Variants in NR6A1 observed in about 807,000 individuals in gnomAD.
NR6A1 encodes the protein nuclear receptor subfamily 6 group A member 1, also known as retinoic acid receptor-related testis-associated receptor.
In NR6A1, 7 loss-of-function variants were observed where a neutral mutation model predicts 59.1. The ratio of observed to expected loss-of-function variants is 0.12; its 90% CI spans 0.07 to 0.22. The LOEUF (loss-of-function observed/expected upper bound fraction) is 0.22. NR6A1 is among the 10% of genes least tolerant of loss of function. The pLI, the probability that NR6A1 is intolerant of heterozygous loss-of-function variation, is 1.00. For missense variants in NR6A1, 468 were observed against 611.6 expected, an observed-to-expected ratio of 0.77 and a Z score of 2.48; for synonymous variants, 243 against 236.1, an observed-to-expected ratio of 1.03 and a Z score of -0.27.
chr9:124,605,861 T>G (rs1835563469), intron 2 of NR6A1, among the ~76,000 whole-genome samples: 1 of 152,204 alleles, frequency 6.6e-6, no homozygotes, highest in South Asian at 2.1e-4. Context: ...ATCTATTTGT[T>G]TCTGTCATCA....
intron 1 of NR6A1, among the ~76,000 whole-genome samples, chr9:124,734,603 G>C (rs758377337): frequency 1.4e-4 from 21 of 152,174 alleles, no homozygotes; most frequent in Non-Finnish European, 2.5e-4. Context: ...TGAGGCAGGA[G>C]AATCTTTCGA....
intron 1 of NR6A1, among the ~76,000 whole-genome samples, chr9:124,758,299 T>C (rs1049463093): frequency 6.6e-6 from 1 of 152,232 alleles, no homozygotes; most frequent in Non-Finnish European, 1.5e-5. Context: ...CCTTTCCTGC[T>C]GGGTTCCCTT....
At chr9:124,676,625 A>T (rs1837969529) in intron 2 of NR6A1, among the ~76,000 whole-genome samples, 1 of 152,236 alleles carries the variant, frequency 6.6e-6, no homozygotes, top group South Asian at 2.1e-4. Context: ...CTAAAACAGT[A>T]GACTTCAAAA....
rs542603697 is a variant in NR6A1 at position 124,666,254 on chromosome 9, C to T, written c.142+67054G>A. Among the ~76,000 whole-genome samples, 111 of 144,150 alleles carry T rather than the reference C, an allele frequency of 7.7e-4. 1 individual carries two copies. In the South Asian group the frequency reaches 0.022, roughly 28 times the overall value. 94.6% of individuals were successfully genotyped at this position (144,150 alleles called of 152,430 possible). On this transcript the variant is annotated intron_variant, in intron 2 of 9. Coordinates refer to ENST00000487099, the MANE Select transcript of NR6A1 (RefSeq NM_033334.4). Reference sequence around the variant, plus strand: ...TCTGTTATTGTGACCTAGATTTTGGCGGAATTACCTCTATGTGGTTCTTTT... The same window carrying T: ...TCTGTTATTGTGACCTAGATTTTGGTGGAATTACCTCTATGTGGTTCTTTT...
At chr9:124,603,279 C>A (rs1835493554) in intron 2 of NR6A1, among the ~76,000 whole-genome samples, 1 of 152,182 alleles carries the variant, frequency 6.6e-6, no homozygotes. Flanking sequence ...AATTAGATGG[C>A]TCCTCGAGAG....
At chr9:124,527,970 G>A (rs1395449669) in intron 7 of NR6A1, among the ~76,000 whole-genome samples, 1 of 152,232 alleles carries the variant, frequency 6.6e-6, no homozygotes, top group East Asian at 1.9e-4. Context: ...CTAGTGGGCA[G>A]TGGGTCCCAG....
chr9:124,581,059 T>C (rs1044158152), intron 2 of NR6A1, among the ~76,000 whole-genome samples: 11 of 152,118 alleles, frequency 7.2e-5, no homozygotes, highest in Non-Finnish European at 1.3e-4. Flanking sequence ...GCTAGCCATA[T>C]GCAGAAAATT....
intron 2 of NR6A1, among the ~76,000 whole-genome samples, chr9:124,619,071 T>G (rs1223531820): frequency 1.3e-5 from 2 of 152,048 alleles, no homozygotes; most frequent in Non-Finnish European, 2.9e-5. Context: ...GCAGCCCTAT[T>G]CATAATAGAG....
At chr9:124,589,367 A>G (rs1835039427) in intron 2 of NR6A1, among the ~76,000 whole-genome samples, 1 of 152,196 alleles carries the variant, frequency 6.6e-6, no homozygotes, top group Admixed American at 6.5e-5. Context: ...AGTGGCGTGA[A>G]CCAAGGAGGC....
intron 1 of NR6A1, among the ~76,000 whole-genome samples, chr9:124,762,818 TA>T (rs1447411966): frequency 6.6e-6 from 1 of 152,220 alleles, no homozygotes; most frequent in East Asian, 1.9e-4. Context: ...AAATCATATT[TA>T]TTTCATCATC....
intron 2 of NR6A1, among the ~76,000 whole-genome samples, chr9:124,699,335 G>C (rs1285079749): frequency 6.6e-6 from 1 of 152,100 alleles, no homozygotes; most frequent in African/African-American, 2.4e-5. Flanking sequence ...TTAAAAGAAG[G>C]CCTTTTCTGC....
intron 2 of NR6A1, among the ~76,000 whole-genome samples, chr9:124,699,558 T>G (rs1481431602): frequency 1.3e-5 from 2 of 152,206 alleles, no homozygotes; most frequent in Non-Finnish European, 2.9e-5. Context: ...TCAATGAACT[T>G]AAATCATTTT....
intron 3 of NR6A1, among the ~76,000 whole-genome samples, chr9:124,546,481 G>C (rs987104845): frequency 4.6e-5 from 7 of 152,288 alleles, no homozygotes; most frequent in Admixed American, 3.9e-4. Context: ...CATTTATTCT[G>C]ATGTGCAACT....
Position 124,750,763 on chromosome 9 carries a change from AAAAT to A in NR6A1, c.101-17418_101-17415del, listed in dbSNP as rs541740584. Reference sequence around the variant, plus strand: ...TGACAGAGCGAAACTCCGTCTCAAAAAAATAAATAAATAAATAAATAAAAATCAT... The same window carrying A: ...TGACAGAGCGAAACTCCGTCTCAAAAAAATAAATAAATAAATAAAAATCAT... On this transcript the variant is annotated intron_variant, in intron 1 of 9. Coordinates refer to ENST00000487099, the MANE Select transcript of NR6A1 (RefSeq NM_033334.4). Among the ~76,000 whole-genome samples, 6 of 152,126 alleles carry A rather than the reference AAAAT, an allele frequency of 3.9e-5. No individual in the cohort carries two copies. In the East Asian group the frequency reaches 5.8e-4, roughly 15 times the overall value.
rs181354703 is a variant in NR6A1, at chr9:124,589,318, C to T, written c.143-34748G>A. On this transcript the variant is annotated intron_variant, in intron 2 of 9. Coordinates refer to ENST00000487099, the MANE Select transcript of NR6A1 (RefSeq NM_033334.4). ...AAAATTAGCCGGGCGCGGTGGCGGGCGCCTGTAGTCCCAGCTACTCGGGAG... is the reference window on the plus strand; with the variant it reads ...AAAATTAGCCGGGCGCGGTGGCGGGTGCCTGTAGTCCCAGCTACTCGGGAG... Among the ~76,000 whole-genome samples, 510 of 152,182 alleles carry T rather than the reference C, an allele frequency of 3.4e-3. 1 individual carries two copies. The highest frequency in any genetic ancestry group is 5.1e-3 in the Non-Finnish European group (348 of 67,998).
At position 124,582,974 on chromosome 9, in the gene NR6A1, C is replaced by T. The variant is rs528713722; in HGVS notation, c.143-28404G>A. Reference sequence around the variant, plus strand: ...TCACAGAAGAGTACGCCCTTCCCCCCCAAAGCACTCAATTTTTCTGTATGC... The same window carrying T: ...TCACAGAAGAGTACGCCCTTCCCCCTCAAAGCACTCAATTTTTCTGTATGC... On this transcript the variant is annotated intron_variant, in intron 2 of 9. Transcript: ENST00000487099. 1.1e-4 allele frequency among the ~76,000 whole-genome samples: 16 copies of T among 152,218 alleles called. No homozygotes were observed. The South Asian group carries it at 2.7e-3, about 26-fold the overall frequency.
At chr9:124,630,146 T>C (rs544264021) in intron 2 of NR6A1, among the ~76,000 whole-genome samples, 1 of 151,624 alleles carries the variant, frequency 6.6e-6, no homozygotes, top group Non-Finnish European at 1.5e-5. Context: ...TATCTAGAAT[T>C]AAACTCCTAG....
intron 2 of NR6A1, among the ~76,000 whole-genome samples, chr9:124,718,719 GCCTTCT>G (rs376557020): frequency 2.0e-5 from 3 of 149,518 alleles, no homozygotes; most frequent in African/African-American, 7.4e-5. Flanking sequence ...CTAAAAATTT[GCCTTCT>G]CCTTAAGTCT....
chr9:124,692,074 A>G (rs1838566045), intron 2 of NR6A1, among the ~76,000 whole-genome samples: 1 of 152,192 alleles, frequency 6.6e-6, no homozygotes, highest in African/African-American at 2.4e-5. Flanking sequence ...AAGTTTTTTC[A>G]TCAGGAAAAT....
Sources: gnomAD v4.1 joint callset for allele counts (sites outside exome capture counted in the v4.1 genomes callset) on GRCh38, gnomAD v4.1.1 for gene constraint, MANE v1.5 for transcripts, NCBI Gene and HGNC (gene_info 2026-07-23, HGNC 2026-07-21) for gene names.